Variants in STPG2 observed in about 807,000 individuals in gnomAD.
STPG2 encodes the protein sperm tail PG-rich repeat containing 2.
In STPG2, 56 loss-of-function variants were observed where a neutral mutation model predicts 54.2. The observed-to-expected ratio is 1.03, with a 90% CI of 0.83 to 1.29. The LOEUF (loss-of-function observed/expected upper bound fraction) is 1.29. STPG2 is among the 50% of genes most tolerant of loss of function. STPG2 has a pLI of 0.00. For synonymous variants in STPG2, 200 were observed against 181.8 expected (o/e 1.10, Z -0.81); for missense variants, 596 against 544.9 (o/e 1.09, Z -0.93).
downstream of STPG2, among the ~76,000 whole-genome samples, chr4:97,557,282 TA>T (rs1427283798): frequency 6.6e-6 from 1 of 152,122 alleles, no homozygotes; most frequent in Admixed American, 6.6e-5. Flanking sequence ...ATTAAAGTTA[TA>T]AAGGAGGCCT....
chr4:97,729,122 G>A (rs1031416274), intron 9 of STPG2, among the ~76,000 whole-genome samples: 1 of 130,802 alleles, frequency 7.6e-6, no homozygotes, highest in African/African-American at 2.6e-5. Context: ...AAACAGAAAA[G>A]AGTCATAACT....
chr4:97,718,163 C>T lies in STPG2; in HGVS notation c.1205-5349G>A, dbSNP rs142823909. Among the ~76,000 whole-genome samples the T allele has an allele frequency of 3.3e-3, 504 of 152,110 alleles. 2 individuals are homozygous for T. Among genetic ancestry groups the T allele is most frequent in the African/African-American group, 0.011 (477 of 41,556 alleles). On this transcript the variant is annotated intron_variant, in intron 9 of 10. Transcript: ENST00000295268. ...CTCTGGGAATATTACATGTACAAAT[C>T]AGGATAATGCTAAAACATGTCACAT...
chr4:98,046,557 C>G (rs1158500137), intron 5 of STPG2, among the ~76,000 whole-genome samples: 3 of 152,114 alleles, frequency 2.0e-5, no homozygotes, highest in Non-Finnish European at 4.4e-5. Context: ...CTCTTACCGT[C>G]CCCCAGGAGA....
intron 5 of STPG2, among the ~76,000 whole-genome samples, chr4:97,988,026 T>TCACACACACACACA (rs3047311): frequency 1.4e-5 from 2 of 141,608 alleles, no homozygotes; most frequent in African/African-American, 5.3e-5. Context: ...GGTCTGAATG[T>TCACACACACACACA]CACACACACA....
At chr4:98,096,001 CAA>C (rs552899885) in intron 5 of STPG2, among the ~76,000 whole-genome samples, 304 of 152,176 alleles carry the variant, frequency 2.0e-3, no homozygotes, top group African/African-American at 7.2e-3. Context: ...AAATAAATAA[CAA>C]GAGAAATTTT....
chr4:97,701,892 A>G (rs1239967666), intron 10 of STPG2, among the ~76,000 whole-genome samples: 1 of 152,094 alleles, frequency 6.6e-6, no homozygotes, highest in Non-Finnish European at 1.5e-5. Flanking sequence ...CTTGGGATCC[A>G]ATTACTCCCA....
chr4:98,009,389 T>C (rs1560633387), intron 5 of STPG2, among the ~76,000 whole-genome samples: 3 of 152,038 alleles, frequency 2.0e-5, no homozygotes, highest in East Asian at 1.9e-4. Flanking sequence ...CTGTGAATTT[T>C]CCAGTTTTCC....
intron 8 of STPG2, among the ~76,000 whole-genome samples, chr4:97,943,569 C>T (rs755981043): frequency 1.3e-5 from 2 of 152,106 alleles, no homozygotes; most frequent in Non-Finnish European, 2.9e-5. Flanking sequence ...AAAACATTTG[C>T]ACTATGAGTA....
chr4:98,022,679 T>C (rs557477800), intron 5 of STPG2, among the ~76,000 whole-genome samples: 1 of 152,204 alleles, frequency 6.6e-6, no homozygotes, highest in Non-Finnish European at 1.5e-5. Flanking sequence ...TTTGGTCTTT[T>C]CACATAGTCC....
chr4:98,074,994 G>A (rs1738116732), intron 5 of STPG2, among the ~76,000 whole-genome samples: 1 of 152,168 alleles, frequency 6.6e-6, no homozygotes, highest in South Asian at 2.1e-4. Flanking sequence ...AGGATTTAAT[G>A]TCTGTCTTGA....
At chr4:97,818,459 C>G (rs1727982988) in intron 9 of STPG2, among the ~76,000 whole-genome samples, 1 of 151,782 alleles carries the variant, frequency 6.6e-6, no homozygotes, top group African/African-American at 2.4e-5. Context: ...GTCTCTCTCT[C>G]TCTCTCAAAA....
At chr4:98,090,067 A>AT (rs1435672487) in intron 5 of STPG2, among the ~76,000 whole-genome samples, 1 of 151,740 alleles carries the variant, frequency 6.6e-6, no homozygotes, top group Non-Finnish European at 1.5e-5. Flanking sequence ...GGTCCCATTT[A>AT]TTTATCTTTG....
At chr4:97,544,669 T>C (rs1487322498) in intron 4 of STPG2, among the ~76,000 whole-genome samples, 2 of 152,038 alleles carry the variant, frequency 1.3e-5, no homozygotes, top group African/African-American at 4.8e-5. Context: ...TTTCCCAACA[T>C]ATTAAAGGCT....
intron 5 of STPG2, among the ~76,000 whole-genome samples, chr4:98,047,402 T>C (rs1416784184): frequency 6.6e-6 from 1 of 151,920 alleles, no homozygotes; most frequent in Non-Finnish European, 1.5e-5. Flanking sequence ...GCAGGCAAGT[T>C]AGAAACCTGA....
chr4:97,989,331 T>C (rs1054528248), intron 5 of STPG2, among the ~76,000 whole-genome samples: 1 of 152,156 alleles, frequency 6.6e-6, no homozygotes, highest in Non-Finnish European at 1.5e-5. Flanking sequence ...TATGCCGTAT[T>C]CTTCTTCTCC....
intron 5 of STPG2, among the ~76,000 whole-genome samples, chr4:98,001,331 T>C (rs921012570): frequency 1.9e-4 from 29 of 151,642 alleles, no homozygotes; most frequent in Non-Finnish European, 3.7e-4. Flanking sequence ...TGGTACACTA[T>C]CTAGTAGCAG....
rs1023699025 is a variant in STPG2, at chr4:97,474,549, A to G, written c.462+238150T>C. Among the ~76,000 whole-genome samples, 4 of 152,264 alleles carry G rather than the reference A, an allele frequency of 2.6e-5. No homozygotes were observed. In the East Asian group the frequency reaches 7.7e-4, roughly 29 times the overall value. On this transcript the variant is annotated intron_variant, in intron 4 of 4. Coordinates refer to the STPG2 transcript ENST00000522676. ...CACTTATTGCTTGCATGTAAGGCAA[A>G]TTTTCCATACTACCCCTTGGTATAT... is the stretch of plus-strand genomic sequence containing the variant.
chr4:97,872,721 T>A (rs1378071576), intron 8 of STPG2, among the ~76,000 whole-genome samples: 1 of 151,144 alleles, frequency 6.6e-6, no homozygotes, highest in African/African-American at 2.4e-5. Flanking sequence ...AAAACAATCA[T>A]TTTTATGAAT....
chr4:98,059,094 G>T (rs145641102), intron 5 of STPG2, among the ~76,000 whole-genome samples: 1 of 151,190 alleles, frequency 6.6e-6, no homozygotes, highest in African/African-American at 2.4e-5. Flanking sequence ...TAGATAGGCC[G>T]CTAGCTAGAC....
Sources: gnomAD v4.1 joint callset for allele counts (sites outside exome capture counted in the v4.1 genomes callset) on GRCh38, gnomAD v4.1.1 for gene constraint, MANE v1.5 for transcripts, NCBI Gene and HGNC (gene_info 2026-07-23, HGNC 2026-07-21) for gene names.